SOX5: variants seen among roughly 807,000 people sequenced by gnomAD.
SOX5 encodes the protein transcription factor SOX-5.
Under a neutral mutation model 92.0 loss-of-function variants are expected in SOX5, and 9 were observed. The observed-to-expected ratio is 0.10, with a 90% CI of 0.06 to 0.17. The LOEUF is 0.17. SOX5 is among the 10% of genes least tolerant of loss of function. SOX5 has a pLI of 1.00. For missense variants in SOX5, 642 were observed against 944.5 expected (o/e 0.68, Z 4.20); for synonymous variants, 344 against 336.3 (o/e 1.02, Z -0.25).
intron 3 of SOX5, among the ~76,000 whole-genome samples, chr12:23,761,717 T>C (rs1053304259): frequency 6.6e-6 from 1 of 152,176 alleles, no homozygotes; most frequent in African/African-American, 2.4e-5. Flanking sequence ...ATTGTAGTTC[T>C]ATTTTATTCA....
chr12:23,606,116 A>G (rs192150711), intron 8 of SOX5, among the ~76,000 whole-genome samples: 230 of 152,104 alleles, frequency 1.5e-3, no homozygotes, highest in Middle Eastern at 7.9e-3. Flanking sequence ...TTAAAAATCT[A>G]TGCATTATAT....
chr12:23,844,585 TG>T (rs770402914), intron 3 of SOX5, among the ~76,000 whole-genome samples: 33 of 152,160 alleles, frequency 2.2e-4, no homozygotes, highest in Non-Finnish European at 4.7e-4. Flanking sequence ...TTTGTATGTC[TG>T]TAACTTCCTA....
intron 4 of SOX5, among the ~76,000 whole-genome samples, chr12:24,072,075 A>G (rs979265540): frequency 6.6e-6 from 1 of 152,178 alleles, no homozygotes; most frequent in African/African-American, 2.4e-5. Flanking sequence ...AGTGTTAGCT[A>G]TGTTCTATTT....
chr12:23,704,149 T>G (rs1158027521), intron 6 of SOX5, among the ~76,000 whole-genome samples: 5 of 151,952 alleles, frequency 3.3e-5, no homozygotes. Context: ...CTTCCTCCAA[T>G]GACTCCTCCC....
At chr12:24,062,974 C>T (rs1569529355) in intron 4 of SOX5, among the ~76,000 whole-genome samples, 1 of 152,186 alleles carries the variant, frequency 6.6e-6, no homozygotes, top group Non-Finnish European at 1.5e-5. Context: ...AAGAAAGGCA[C>T]AATGTTATAC....
chr12:24,284,510 A>T (rs567463184), intron 2 of SOX5, among the ~76,000 whole-genome samples: 50 of 152,214 alleles, frequency 3.3e-4, no homozygotes, highest in Admixed American at 2.0e-3. Context: ...AAACATATTT[A>T]AAAAATAGAG....
intron 6 of SOX5, among the ~76,000 whole-genome samples, chr12:23,666,372 A>G (rs2083806040): frequency 4.6e-5 from 7 of 152,188 alleles, no homozygotes; most frequent in Admixed American, 4.6e-4. Context: ...ACATTAGTTA[A>G]TAAATAATCC....
At chr12:24,485,230 G>T (rs1946399714) in intron 1 of SOX5, among the ~76,000 whole-genome samples, 1 of 152,128 alleles carries the variant, frequency 6.6e-6, no homozygotes, top group Non-Finnish European at 1.5e-5. Context: ...GAAAACATAG[G>T]CCAGATGATT....
intron 3 of SOX5, among the ~76,000 whole-genome samples, chr12:23,775,172 ATT>A (rs1435086535): frequency 6.6e-6 from 1 of 152,226 alleles, no homozygotes; most frequent in Non-Finnish European, 1.5e-5. Flanking sequence ...TATATTAGGC[ATT>A]GTTTCCTTTT....
chr12:24,366,958 A>G (rs1051917211), intron 2 of SOX5, among the ~76,000 whole-genome samples: 1 of 152,202 alleles, frequency 6.6e-6, no homozygotes, highest in Admixed American at 6.5e-5. Flanking sequence ...AGGAAGAAAA[A>G]TAGGCTTTAA....
chr12:24,081,077 C>G (rs956323895), intron 4 of SOX5, among the ~76,000 whole-genome samples: 2 of 151,910 alleles, frequency 1.3e-5, no homozygotes, highest in Non-Finnish European at 2.9e-5. Context: ...ATGATGATAT[C>G]AAGAGAAATC....
intron 4 of SOX5, among the ~76,000 whole-genome samples, chr12:24,057,611 A>G (rs1958262488): frequency 6.6e-6 from 1 of 152,254 alleles, no homozygotes. Flanking sequence ...AGTAACAAAA[A>G]TAAGTGGCAT....
intron 2 of SOX5, among the ~76,000 whole-genome samples, chr12:23,888,953 C>A (rs1199739386): frequency 1.3e-5 from 2 of 152,156 alleles, no homozygotes; most frequent in Admixed American, 6.5e-5. Flanking sequence ...TATAGATAAA[C>A]TGTGTGAAAT....
At chr12:23,610,117 A>G (rs1489099483) in intron 8 of SOX5, among the ~76,000 whole-genome samples, 2 of 152,204 alleles carry the variant, frequency 1.3e-5, no homozygotes, top group African/African-American at 4.8e-5. Flanking sequence ...GTTAGAATCA[A>G]TAGTATTAAA....
chr12:23,957,188 C>A (rs1186268306), intron 4 of SOX5, among the ~76,000 whole-genome samples: 2 of 152,028 alleles, frequency 1.3e-5, no homozygotes, highest in Non-Finnish European at 2.9e-5. Flanking sequence ...ATTCATACAG[C>A]AATATAAGAC....
rs575742808 is a variant in SOX5, at chr12:24,525,785, G to A, written c.-251+36544C>T. 2.0e-5 allele frequency among the ~76,000 whole-genome samples: 3 copies of A among 152,126 alleles called. No homozygotes were observed. In the East Asian group the frequency reaches 5.8e-4, roughly 29 times the overall value. ...GACTCGGGAGGCGTGAACCCGGAAG[G>A]CAGAGCTTGCAGTGAGCCGAGATCG... On this transcript the variant is annotated intron_variant, in intron 1 of 4. Transcript: ENST00000446891.
intron 3 of SOX5, among the ~76,000 whole-genome samples, chr12:23,801,009 T>G (rs954974594): frequency 2.6e-5 from 4 of 152,126 alleles, no homozygotes; most frequent in Admixed American, 6.6e-5. Context: ...CCTTGAGAGA[T>G]GCTTCTCAAG....
chr12:23,607,896 G>T (rs1300165545), intron 8 of SOX5, among the ~76,000 whole-genome samples: 1 of 151,988 alleles, frequency 6.6e-6, no homozygotes, highest in Admixed American at 6.6e-5. Context: ...TATGATGAAT[G>T]TATTTTTATG....
At chr12:23,823,105 G>A (rs2096155503) in intron 3 of SOX5, among the ~76,000 whole-genome samples, 1 of 152,056 alleles carries the variant, frequency 6.6e-6, no homozygotes. Flanking sequence ...GGGCCATTTA[G>A]CCCATTTACA....
Sources: allele counts gnomAD v4.1 joint callset (sites outside exome capture counted in the v4.1 genomes callset), GRCh38; gene constraint gnomAD v4.1.1; transcripts MANE v1.5; gene names NCBI Gene and HGNC (gene_info 2026-07-23, HGNC 2026-07-21).